The following TIAM1 variants were observed in gnomAD, a reference collection of about 807,000 sequenced individuals.
The protein encoded by TIAM1 is TIAM Rac1 associated GEF 1.
A neutral mutation model predicts 163.5 loss-of-function variants in TIAM1; 65 were observed. That is an observed-to-expected ratio of 0.40 (90% CI 0.33 to 0.49). The LOEUF is 0.49. Ranked by LOEUF, TIAM1 falls within the 20% of genes least tolerant of loss-of-function variation. TIAM1 has a pLI of 0.77. For missense variants in TIAM1, 1,789 were observed against 2,044.7 expected (o/e 0.87, Z 2.41); for synonymous variants, 833 against 810.1 (o/e 1.03, Z -0.48).
rs76711808 is a variant in TIAM1, at chr21:31,342,561, C to T, written c.-369+1577G>A. Among the ~76,000 whole-genome samples, 1,488 of 152,252 alleles carry T rather than the reference C, an allele frequency of 9.8e-3. 23 individuals are homozygous for T. The highest frequency in any genetic ancestry group is 0.034 in the African/African-American group (1,395 of 41,540). On this transcript the variant is annotated intron_variant, in intron 1 of 27. Transcript: ENST00000541036. The stretch of plus-strand genomic sequence containing the variant: ...TAAGAATTATTGTTCCATAAAACTC[C>T]GTCTATTAGTCAGTTTCACCAGCAT...
At position 31,440,467 on chromosome 21, in the gene TIAM1, C is replaced by T. The variant is rs562155338; in HGVS notation, c.-369+23516G>A. 2.3e-4 allele frequency among the ~76,000 whole-genome samples: 35 copies of T among 152,248 alleles called. 2 individuals carry two copies. In the South Asian group the frequency reaches 7.2e-3, roughly 32 times the overall value. On this transcript the variant is annotated intron_variant, in intron 2 of 28. Coordinates refer to the TIAM1 transcript ENST00000286827. ...CACAAAATAAACCTAAATTCTTGGC[C>T]TTTAAAAAAAAGTCACAACACAAAT...
chr21:31,250,091 A>T (rs1379389843), intron 5 of TIAM1, among the ~76,000 whole-genome samples: 1 of 145,632 alleles, frequency 6.9e-6, no homozygotes, highest in Non-Finnish European at 1.5e-5. Flanking sequence ...GGCTGCAGTG[A>T]GCTGTAACTG....
chr21:31,335,576 A>C (rs2075811064), intron 2 of TIAM1, among the ~76,000 whole-genome samples: 1 of 151,960 alleles, frequency 6.6e-6, no homozygotes, highest in Admixed American at 6.6e-5. Flanking sequence ...ATGGTGGTGC[A>C]CACCTGTAAT....
intron 6 of TIAM1, among the ~76,000 whole-genome samples, chr21:31,228,211 T>C (rs1601625669): frequency 5.0e-5 from 1 of 20,124 alleles, no homozygotes; most frequent in African/African-American, 2.0e-4. Flanking sequence ...ATGCCCGGCC[T>C]CCTTTTTTTA....
intron 1 of TIAM1, among the ~76,000 whole-genome samples, chr21:31,520,069 G>T (rs146704173): frequency 1.3e-5 from 2 of 152,112 alleles, no homozygotes; most frequent in Admixed American, 1.3e-4. Context: ...CGGTGGCCAC[G>T]CCTTGAATCC....
chr21:31,366,236 C>T (rs1341773951), intron 2 of TIAM1, among the ~76,000 whole-genome samples: 1 of 152,100 alleles, frequency 6.6e-6, no homozygotes, highest in African/African-American at 2.4e-5. Flanking sequence ...GTACTCATAA[C>T]CTTGAAGCTG....
In TIAM1 at chr21:31,118,594, C is replaced by T. The variant is rs200001843; in HGVS notation, c.*1774G>A. On this transcript the variant is annotated 3_prime_UTR_variant, in exon 28 of 28. Coordinates refer to ENST00000541036, the MANE Select transcript of TIAM1 (RefSeq NM_001353694.2). The stretch of plus-strand genomic sequence containing the variant: ...GGCACCCTCTCCAAGCACCAGACTT[C>T]CGAGTGTTTTCAGATGGATGTGTTG... 4 of 471,558 alleles carry T rather than the reference C, an allele frequency of 8.5e-6. No homozygotes were observed. The highest frequency in any genetic ancestry group is 2.0e-5 in the African/African-American group (1 of 50,054). 29.2% of individuals were successfully genotyped at this position (471,558 alleles called of 1,614,324 possible).
chr21:31,263,087 C>T (rs1010266293), intron 4 of TIAM1, among the ~76,000 whole-genome samples: 6 of 152,064 alleles, frequency 3.9e-5, no homozygotes, highest in East Asian at 1.9e-4. Flanking sequence ...GAAATGTGGG[C>T]GGGTGGATAG....
intron 8 of TIAM1, among the ~76,000 whole-genome samples, chr21:31,222,410 A>C (rs1055728363): frequency 6.6e-6 from 1 of 152,134 alleles, no homozygotes; most frequent in Non-Finnish European, 1.5e-5. Flanking sequence ...TAGCAAGTAC[A>C]TGAAATTACA....
At chr21:31,422,358 A>C (rs1248260131) in intron 2 of TIAM1, among the ~76,000 whole-genome samples, 1 of 152,200 alleles carries the variant, frequency 6.6e-6, no homozygotes, top group East Asian at 1.9e-4. Flanking sequence ...AGATTTTATA[A>C]GCAGTTTTCT....
intron 15 of TIAM1, among the ~76,000 whole-genome samples, chr21:31,178,437 G>A (rs943253088): frequency 6.7e-6 from 1 of 150,020 alleles, no homozygotes; most frequent in East Asian, 2.0e-4. Context: ...CTGCCGAGTA[G>A]CTGGGACTAC....
rs114645667 is a variant in TIAM1 at position 31,451,443 on chromosome 21, C to T, written c.-369+12540G>A. Among the ~76,000 whole-genome samples, 993 of 152,302 alleles carry T rather than the reference C, an allele frequency of 6.5e-3. 9 individuals carry two copies. The highest frequency in any genetic ancestry group is 0.022 in the African/African-American group (920 of 41,544). ...CATACAGGGAAGTTAGCCAAGTCTACACATGACTGAGTAATCCAATTTCAA... is the reference window on the plus strand; with the variant it reads ...CATACAGGGAAGTTAGCCAAGTCTATACATGACTGAGTAATCCAATTTCAA... On this transcript the variant is annotated intron_variant, in intron 2 of 28. Transcript: ENST00000286827.
intron 2 of TIAM1, among the ~76,000 whole-genome samples, chr21:31,453,439 C>G (rs557954504): frequency 6.6e-6 from 1 of 152,032 alleles, no homozygotes; most frequent in African/African-American, 2.4e-5. Context: ...TGGTGGCTCA[C>G]GTCTGTAATC....
intron 1 of TIAM1, among the ~76,000 whole-genome samples, chr21:31,533,721 G>A (rs747621380): frequency 2.0e-5 from 3 of 152,160 alleles, no homozygotes; most frequent in Non-Finnish European, 4.4e-5. Flanking sequence ...GACAGAGCAA[G>A]ACCCTGTCTC....
At chr21:31,226,522 A>G (rs2087981615) in intron 6 of TIAM1, among the ~76,000 whole-genome samples, 1 of 152,176 alleles carries the variant, frequency 6.6e-6, no homozygotes, top group Non-Finnish European at 1.5e-5. Context: ...GCAGCCGCCC[A>G]ACAACACTCC....
chr21:31,430,571 T>C (rs777786857), intron 2 of TIAM1, among the ~76,000 whole-genome samples: 2 of 152,116 alleles, frequency 1.3e-5, no homozygotes, highest in East Asian at 1.9e-4. Flanking sequence ...AATCAAAGTA[T>C]ACCTGCAAAA....
chr21:31,496,459 C>CAAAAAA (rs58140674), intron 1 of TIAM1, among the ~76,000 whole-genome samples: 1 of 87,890 alleles, frequency 1.1e-5, no homozygotes, highest in South Asian at 4.1e-4. Context: ...AACTCTGTCT[C>CAAAAAA]AAAAAAAAAA....
intron 2 of TIAM1, among the ~76,000 whole-genome samples, chr21:31,438,840 T>C (rs531248545): frequency 6.6e-6 from 1 of 152,286 alleles, no homozygotes; most frequent in East Asian, 1.9e-4. Context: ...GGGATGCCAG[T>C]AGCAACCCAC....
chr21:31,494,899 C>T (rs2046589759), intron 1 of TIAM1, among the ~76,000 whole-genome samples: 1 of 152,116 alleles, frequency 6.6e-6, no homozygotes, highest in African/African-American at 2.4e-5. Context: ...TAGCACAAAG[C>T]AACACCTGCA....
Sources: allele counts gnomAD v4.1 joint callset (sites outside exome capture counted in the v4.1 genomes callset), GRCh38; gene constraint gnomAD v4.1.1; transcripts MANE v1.5; gene names NCBI Gene and HGNC (gene_info 2026-07-23, HGNC 2026-07-21).